CDH18: variants seen among roughly 807,000 people sequenced by gnomAD.
CDH18 encodes cadherin 18, also known as cadherin-18.
A neutral mutation model predicts 67.9 loss-of-function variants in CDH18; 31 were observed. The observed-to-expected ratio is 0.46, with a 90% confidence interval of 0.34 to 0.62. The LOEUF (loss-of-function observed/expected upper bound fraction) is 0.62. CDH18 is among the 20% of genes least tolerant of loss of function. The pLI is 0.01. For synonymous variants in CDH18, 362 were observed against 347.2 expected, an observed-to-expected ratio of 1.04 and a Z score of -0.48; for missense variants, 890 against 975.5, an observed-to-expected ratio of 0.91 and a Z score of 1.17.
At chr5:20,122,626 C>A (rs954907756) in intron 2 of CDH18, among the ~76,000 whole-genome samples, 1 of 151,676 alleles carries the variant, frequency 6.6e-6, no homozygotes, top group African/African-American at 2.4e-5. Context: ...ATAAGTTTTA[C>A]TCAACTTATT....
At chr5:20,291,835 C>A (rs1027072916) in intron 1 of CDH18, among the ~76,000 whole-genome samples, 2 of 152,110 alleles carry the variant, frequency 1.3e-5, no homozygotes, top group Non-Finnish European at 2.9e-5. Flanking sequence ...TCCTAAACTG[C>A]CTTTATTTTA....
chr5:20,072,932 C>T (rs115364562), intron 2 of CDH18, among the ~76,000 whole-genome samples: 1,749 of 151,886 alleles, frequency 0.012, 38 homozygotes, highest in African/African-American at 0.04. Flanking sequence ...CATTTAGTTG[C>T]TTGTTTTACA....
chr5:19,921,819 G>T, intron 2 of CDH18, among the ~76,000 whole-genome samples: 1 of 151,964 alleles, frequency 6.6e-6, no homozygotes, highest in East Asian at 1.9e-4. Context: ...AATCAAGTAT[G>T]AAGAGAGAAA....
upstream of CDH18, among the ~76,000 whole-genome samples, chr5:19,989,149 T>C (rs528643906): frequency 5.3e-5 from 8 of 152,312 alleles, no homozygotes; most frequent in Admixed American, 3.3e-4. Flanking sequence ...CACTCACCCA[T>C]TGAGCACATC....
In CDH18 at chr5:20,136,946, G is replaced by A. The variant is rs551754201; in HGVS notation, c.-518+118498C>T. Among the ~76,000 whole-genome samples the A allele has an allele frequency of 2.0e-3, 306 of 152,242 alleles. 1 individual carries two copies. Among genetic ancestry groups the A allele is most frequent in the Admixed American group, 4.1e-3 (62 of 15,276 alleles). On this transcript the variant is annotated intron_variant, in intron 2 of 14. Transcript: ENST00000507958. Reference sequence around the variant, plus strand: ...CTCTCTTGTGGCTTGTAGAGTTTCTGCCAAGAGATCTGCTGTTAGTCTGAT... The same window carrying A: ...CTCTCTTGTGGCTTGTAGAGTTTCTACCAAGAGATCTGCTGTTAGTCTGAT...
At chr5:19,759,747 C>T (rs1380221431) in intron 3 of CDH18, among the ~76,000 whole-genome samples, 1 of 152,028 alleles carries the variant, frequency 6.6e-6, no homozygotes, top group Non-Finnish European at 1.5e-5. Context: ...TGGAGGCCTC[C>T]TTGGGGAAGG....
At chr5:20,334,202 G>A (rs1739477888) in intron 1 of CDH18, among the ~76,000 whole-genome samples, 1 of 143,084 alleles carries the variant, frequency 7.0e-6, no homozygotes, top group South Asian at 2.2e-4. Context: ...GCGCAATCTC[G>A]GCTCACTGCA....
chr5:20,546,322 C>A (rs912036419), intron 1 of CDH18, among the ~76,000 whole-genome samples: 1 of 152,122 alleles, frequency 6.6e-6, no homozygotes, highest in Non-Finnish European at 1.5e-5. Context: ...CTCATTTCCA[C>A]ATTTTCAGGT....
At position 19,571,809 on chromosome 5, in the gene CDH18, C is replaced by G; in HGVS notation, c.1023G>C (p.Lys341Asn). ...CTCCTTCTATGTTGAGGGTATATGA[C>G]TTCTTTTTCTCATAGTTCAGTGGCT... Reference protein sequence around the residue: ...LKKPLNYEKKKSYTLNIEGAN... With the variant: ...LKKPLNYEKKNSYTLNIEGAN... The change falls in exon 8 of 13, where the codon AAG becomes AAC. Residue 341 changes from lysine (K) to asparagine (N), a missense_variant. Lys to Asn is a moderately conservative substitution (Grantham distance 94). Transcript: ENST00000382275. 1 of 1,612,888 alleles carries G rather than the reference C, an allele frequency of 6.2e-7. No individual in the cohort carries two copies.
intron 3 of CDH18, among the ~76,000 whole-genome samples, chr5:19,813,996 C>T (rs1040356433): frequency 2.6e-5 from 4 of 151,346 alleles, no homozygotes; most frequent in Admixed American, 6.6e-5. Flanking sequence ...GAAGTATTAT[C>T]CAGAAGACGT....
At chr5:19,615,069 C>T (rs368066740) in intron 5 of CDH18, among the ~76,000 whole-genome samples, 20 of 151,760 alleles carry the variant, frequency 1.3e-4, no homozygotes, top group African/African-American at 3.9e-4. Context: ...ATTGCTTGAA[C>T]TTAGGAGGTG....
At chr5:19,522,229 A>G (rs1188109701) in intron 9 of CDH18, among the ~76,000 whole-genome samples, 1 of 152,140 alleles carries the variant, frequency 6.6e-6, no homozygotes, top group Non-Finnish European at 1.5e-5. Context: ...ATAAAATGCA[A>G]TATTCATATA....
chr5:20,094,341 T>C (rs1289791826), intron 2 of CDH18, among the ~76,000 whole-genome samples: 1 of 152,170 alleles, frequency 6.6e-6, no homozygotes, highest in Non-Finnish European at 1.5e-5. Flanking sequence ...TTGGTACCAG[T>C]ACCATGCTGT....
At chr5:19,617,374 T>G (rs796831149) in intron 5 of CDH18, among the ~76,000 whole-genome samples, 3 of 152,326 alleles carry the variant, frequency 2.0e-5, no homozygotes, top group African/African-American at 7.2e-5. Context: ...CATGTATCCA[T>G]GTATCCAGTA....
At position 20,268,257 on chromosome 5, in the gene CDH18, T is replaced by C. The variant is rs570673008; in HGVS notation, c.-579-12752A>G. Among the ~76,000 whole-genome samples the C allele has an allele frequency of 7.2e-5, 11 of 152,264 alleles. No individual in the cohort carries two copies. In the South Asian group the frequency reaches 1.4e-3, roughly 20 times the overall value. ...ATTGTGAATAGTGCTGCAATGAACA[T>C]ATGCGTGATTGTGTCTTTTTGGGTA... On this transcript the variant is annotated intron_variant, in intron 1 of 14. Transcript: ENST00000507958.
At chr5:20,076,729 A>T (rs1743977219) in intron 2 of CDH18, among the ~76,000 whole-genome samples, 1 of 152,180 alleles carries the variant, frequency 6.6e-6, no homozygotes, top group African/African-American at 2.4e-5. Flanking sequence ...TCTTTGTTCT[A>T]CCTTCTGAAA....
intron 10 of CDH18, among the ~76,000 whole-genome samples, chr5:19,505,225 G>A (rs534338408): frequency 2.6e-5 from 4 of 151,998 alleles, no homozygotes; most frequent in Non-Finnish European, 5.9e-5. Context: ...GGGCTGAGAC[G>A]ATGGGGTTTT....
intron 1 of CDH18, among the ~76,000 whole-genome samples, chr5:20,423,061 C>T (rs1013738688): frequency 1.3e-5 from 2 of 151,042 alleles, no homozygotes; most frequent in African/African-American, 4.9e-5. Context: ...TTGGTGGAAA[C>T]ACTAAGCACA....
chr5:20,018,768 C>G (rs1008515072), intron 2 of CDH18, among the ~76,000 whole-genome samples: 2 of 151,578 alleles, frequency 1.3e-5, no homozygotes, highest in Non-Finnish European at 2.9e-5. Context: ...AATACAAAAC[C>G]CTTAAGAGAG....
Sources: allele counts gnomAD v4.1 joint callset (sites outside exome capture counted in the v4.1 genomes callset), GRCh38; gene constraint gnomAD v4.1.1; transcripts MANE v1.5; gene names NCBI Gene and HGNC (gene_info 2026-07-23, HGNC 2026-07-21).